Variants in DAGLA observed in about 807,000 individuals in gnomAD.
DAGLA encodes diacylglycerol lipase-alpha.
Under a neutral mutation model 102.6 loss-of-function variants are expected in DAGLA, and 22 were observed. That is an observed-to-expected ratio of 0.21 (90% CI 0.15 to 0.31). DAGLA has a LOEUF of 0.31. DAGLA is among the 10% of genes least tolerant of loss of function. The pLI, the probability that DAGLA is intolerant of heterozygous loss-of-function variation, is 1.00. For missense variants in DAGLA, 927 were observed against 1,446.6 expected, an observed-to-expected ratio of 0.64 and a Z score of 5.83; for synonymous variants, 578 against 628.9, an observed-to-expected ratio of 0.92 and a Z score of 1.21.
In DAGLA at chr11:61,744,013, G is replaced by T; in HGVS notation, c.2653G>T (p.Gly885Trp). 1 of 1,611,998 alleles carries T rather than the reference G, an allele frequency of 6.2e-7. No individual in the cohort carries two copies. The highest frequency in any genetic ancestry group is 2.2e-5 in the East Asian group (1 of 44,864). Reference sequence around the variant, plus strand: ...TGACGAGGAGGAAGAGGTTGGCGGTGGGGGTGGCGGGCCGGCCTCCCGCGG... The same window carrying T: ...TGACGAGGAGGAAGAGGTTGGCGGTTGGGGTGGCGGGCCGGCCTCCCGCGG... ...ANDEEEEVGG[G>W]GGGPASRGEL... The change falls in exon 20 of 20, where the codon GGG (glycine) becomes TGG (tryptophan). Residue 885 changes from glycine (G) to tryptophan (W), a missense_variant. Physicochemically the swap from Gly to Trp is radical, Grantham distance 184 (BLOSUM62 -2). Transcript: ENST00000257215.
chr11:61,746,929 T>C lies in DAGLA; in HGVS notation c.*2440T>C, dbSNP rs111461525. The C allele has an allele frequency of 6.6e-6, 1 of 152,648 alleles. No homozygotes were observed. The highest frequency in any genetic ancestry group is 1.5e-5 in the Non-Finnish European group (1 of 68,040). 9.5% of individuals were successfully genotyped at this position (152,648 alleles called of 1,614,324 possible). On this transcript the variant is annotated 3_prime_UTR_variant, in exon 20 of 20. Coordinates refer to ENST00000257215, the MANE Select transcript of DAGLA (RefSeq NM_006133.3). ...AGGAGAGACAAATTAATATAGCTTA[T>C]TCTATAAATATATCTGTATATAAAG...
At chr11:61,737,839 C>A in intron 15 of DAGLA, 84 bp downstream of exon 15, 1 of 1,178,886 alleles carries the variant, frequency 8.5e-7, no homozygotes, top group Non-Finnish European at 1.3e-6. Flanking sequence ...GCCCCCGCAT[C>A]TCTCTCAGTC....
rs540969603 is a variant in DAGLA at position 61,734,969 on chromosome 11, G to A, written c.1095G>A (p.Ala365=). The A allele has an allele frequency of 6.1e-5, 99 of 1,614,024 alleles. 1 individual carries two copies. Among genetic ancestry groups the A allele is most frequent in the South Asian group, 3.3e-4 (30 of 91,082 alleles). Residue 365 remains alanine (A), a synonymous_variant, in exon 10 of 20, where the codon GCG becomes GCA. Transcript: ENST00000257215. This position sits in a 1 kb window ranked among gnomAD's most constrained non-coding sequence, Gnocchi z 4.2. The stretch of plus-strand genomic sequence containing the variant: ...ACTTCCTGGACGAGAACATGACTGC[G>A]GTGGACATCGTCTATACCTCCTGCC... ...RRHFLDENMT[A]VDIVYTSCHD...
intron 8 of DAGLA, 57 bp downstream of exon 8, chr11:61,729,065 A>G: frequency 6.6e-7 from 1 of 1,504,080 alleles, no homozygotes; most frequent in Non-Finnish European, 9.3e-7. Flanking sequence ...ACTCTGCCAC[A>G]ATGACCTAAG....
intron 10 of DAGLA, 110 bp downstream of exon 10, chr11:61,735,112 C>T: frequency 2.3e-6 from 3 of 1,284,498 alleles, no homozygotes; most frequent in Non-Finnish European, 3.3e-6. Flanking sequence ...CTGGTGCTGG[C>T]TGGCTGCAGC....
At chr11:61,739,780 T>C (rs2065461269) in intron 17 of DAGLA, 119 bp downstream of exon 17, 1 of 1,064,706 alleles carries the variant, frequency 9.4e-7, no homozygotes, top group East Asian at 2.6e-5. Context: ...TGGGAGAAGA[T>C]GGCCCAGGGC....
chr11:61,738,817 C>T (rs978254125), intron 16 of DAGLA, among the ~76,000 whole-genome samples: 2 of 152,224 alleles, frequency 1.3e-5, no homozygotes, highest in African/African-American at 4.8e-5. Flanking sequence ...GGTCACCCCT[C>T]CTCACCCCCT....
At chr11:61,716,800 TG>T (rs2065239133) in intron 1 of DAGLA, among the ~76,000 whole-genome samples, 1 of 152,204 alleles carries the variant, frequency 6.6e-6, no homozygotes, top group Admixed American at 6.5e-5. Flanking sequence ...ACTCCCAGAA[TG>T]GTTAGTACTT....
intron 3 of DAGLA, 86 bp from the exon 4 acceptor site, chr11:61,722,773 G>A (rs17156254): frequency 0.21 from 243,592 of 1,158,110 alleles, 27,657 homozygotes; most frequent in Admixed American, 0.34. Flanking sequence ...AAAGCCCAGC[G>A]ATAGGAAAGG....
intron 7 of DAGLA, 104 bp from the exon 8 acceptor site, chr11:61,728,827 C>T (rs1364196032): frequency 2.2e-5 from 21 of 971,382 alleles, no homozygotes; most frequent in South Asian, 6.9e-5. Context: ...TTGGGCTTCT[C>T]GGCCTTTGGG....
chr11:61,744,512 G>A lies in DAGLA; in HGVS notation c.*23G>A, dbSNP rs757293746. On this transcript the variant is annotated 3_prime_UTR_variant, in exon 20 of 20. Transcript: ENST00000257215. ...TAGCACCCCAGTTGCGTGGCCAGCC[G>A]GGCCCAGGCAGGAGCAGGTGGCCCT... 2.1e-5 allele frequency: 32 copies of A among 1,521,186 alleles called. No homozygotes were observed. In the East Asian group the frequency reaches 3.2e-4, roughly 15 times the overall value. The allele number at this position is 1,521,186 out of a possible 1,614,324, so 94.2% of individuals were successfully genotyped here.
At position 61,686,349 on chromosome 11, in the gene DAGLA, TC is replaced by T. The variant is rs1376116082; in HGVS notation, c.-45+5846del. ...GGGCGGGAGTGTGAACGGCAGGCTT[TC>T]AGGGCTGCCCTCGAGGCCGTTCCCA... On this transcript the variant is annotated intron_variant, in intron 1 of 19. Coordinates refer to ENST00000257215, the MANE Select transcript of DAGLA (RefSeq NM_006133.3). The surrounding 1 kb of genome is among the most constrained non-coding windows in gnomAD (Gnocchi z 5.2). Among the ~76,000 whole-genome samples the T allele has an allele frequency of 1.3e-5, 2 of 152,152 alleles. No homozygotes were observed. The highest frequency in any genetic ancestry group is 4.8e-5 in the African/African-American group (2 of 41,426).
intron 1 of DAGLA, among the ~76,000 whole-genome samples, chr11:61,710,767 G>A (rs1206681756): frequency 6.6e-6 from 1 of 152,182 alleles, no homozygotes; most frequent in Non-Finnish European, 1.5e-5. Context: ...TGAGGTAAAG[G>A]TTCTGCGCAC....
intron 1 of DAGLA, among the ~76,000 whole-genome samples, chr11:61,683,129 A>G (rs2064958322): frequency 6.6e-6 from 1 of 152,214 alleles, no homozygotes; most frequent in African/African-American, 2.4e-5. Flanking sequence ...CCGTTTCTTC[A>G]GCATTCCATG....
chr11:61,738,282 G>T, intron 16 of DAGLA, 75 bp downstream of exon 16: 2 of 1,301,324 alleles, frequency 1.5e-6, no homozygotes, highest in Non-Finnish European at 2.2e-6. Flanking sequence ...CGGTTTCTTG[G>T]GACAAAGCAC....
chr11:61,740,743 A>G (rs79321791), intron 18 of DAGLA, 151 bp downstream of exon 18: 7 of 1,043,928 alleles, frequency 6.7e-6, no homozygotes, highest in Non-Finnish European at 9.7e-6. Context: ...GCCCCACTCA[A>G]ATACTTCAAC....
At position 61,720,584 on chromosome 11, in the gene DAGLA, C is replaced by G. The variant is rs965856090; in HGVS notation, c.96-95C>G. The stretch of plus-strand genomic sequence containing the variant: ...GAGGTGCCTGCTGCCAGCCCTCCTT[C>G]CACTGAATCTGGGCTGGGGAAGGGC... On this transcript the variant is annotated intron_variant, in intron 2 of 19. Transcript: ENST00000257215. 4.3e-6 allele frequency: 5 copies of G among 1,175,488 alleles called. No homozygotes were observed. In the African/African-American group the frequency reaches 7.5e-5, roughly 18 times the overall value. 72.8% of individuals were successfully genotyped at this position (1,175,488 alleles called of 1,614,324 possible).
At chr11:61,740,732 A>G in intron 18 of DAGLA, 140 bp downstream of exon 18, 1 of 1,141,696 alleles carries the variant, frequency 8.8e-7, no homozygotes, top group South Asian at 1.4e-5. Context: ...TGGGCCAGAA[A>G]GCCCCACTCA....
intron 3 of DAGLA, 106 bp downstream of exon 3, chr11:61,720,996 A>G: frequency 9.2e-7 from 1 of 1,084,462 alleles, no homozygotes; most frequent in East Asian, 2.5e-5. Flanking sequence ...CTGTTTTAGC[A>G]CTGGGGTACA....
Sources: allele counts gnomAD v4.1 joint callset (sites outside exome capture counted in the v4.1 genomes callset), GRCh38; gene constraint gnomAD v4.1.1; non-coding constraint Gnocchi (gnomAD v3.1); transcripts MANE v1.5; gene names NCBI Gene and HGNC (gene_info 2026-07-23, HGNC 2026-07-21).